Variants in PDE3A observed in about 807,000 individuals in gnomAD.
PDE3A encodes phosphodiesterase 3A.
Under a neutral mutation model 98.3 loss-of-function variants are expected in PDE3A, and 43 were observed. The observed-to-expected ratio is 0.44, with a 90% CI of 0.34 to 0.56. PDE3A has a LOEUF of 0.56. Among genes scored for constraint, PDE3A ranks in the 20% least tolerant of loss-of-function variants. The probability of loss-of-function intolerance (pLI) is 0.01; values close to 1 mark genes in which losing one functional copy is unlikely to be tolerated. For missense variants in PDE3A, 1,427 were observed against 1,440.7 expected (o/e 0.99, Z 0.15); for synonymous variants, 663 against 567.9 (o/e 1.17, Z -2.38).
chr12:20,651,039 A>C (rs1944903112), intron 14 of PDE3A, among the ~76,000 whole-genome samples: 1 of 152,232 alleles, frequency 6.6e-6, no homozygotes, highest in African/African-American at 2.4e-5. Flanking sequence ...GTTTAAATGT[A>C]CATGGAATAG....
intron 9 of PDE3A, among the ~76,000 whole-genome samples, chr12:20,637,440 T>C (rs1369268692): frequency 2.6e-5 from 4 of 152,104 alleles, no homozygotes; most frequent in Non-Finnish European, 5.9e-5. Context: ...TATTCTACAA[T>C]TAAAATATGA....
intron 1 of PDE3A, among the ~76,000 whole-genome samples, chr12:20,380,112 C>CT (rs1943638019): frequency 6.6e-6 from 1 of 151,786 alleles, no homozygotes; most frequent in Admixed American, 6.6e-5. Context: ...CAGCTATCAC[C>CT]TTTTTTATAC....
intron 15 of PDE3A, among the ~76,000 whole-genome samples, chr12:20,674,950 ATCTTTATTATT>A (rs1945595011): frequency 6.6e-6 from 1 of 151,692 alleles, no homozygotes; most frequent in Non-Finnish European, 1.5e-5. Flanking sequence ...TAGTTCTCTT[ATCTTTATTATT>A]TCTTTTATTC....
intron 1 of PDE3A, among the ~76,000 whole-genome samples, chr12:20,386,143 AT>A (rs370004588): frequency 2.4e-3 from 70 of 28,708 alleles, no homozygotes; most frequent in African/African-American, 6.3e-3. Flanking sequence ...ATATATATAA[AT>A]ATATATATAA....
intron 2 of PDE3A, among the ~76,000 whole-genome samples, chr12:20,600,661 T>C (rs1030189867): frequency 1.3e-5 from 2 of 152,184 alleles, no homozygotes; most frequent in African/African-American, 4.8e-5. Context: ...ATTTGTAGGA[T>C]TGCTTTTTGT....
At chr12:20,620,958 T>A (rs1944119438) in intron 4 of PDE3A, among the ~76,000 whole-genome samples, 1 of 152,108 alleles carries the variant, frequency 6.6e-6, no homozygotes, top group African/African-American at 2.4e-5. Flanking sequence ...AACCAGTTAA[T>A]CTGTAAGCCT....
chr12:20,570,006 G>A (rs1462472679), intron 2 of PDE3A, among the ~76,000 whole-genome samples: 1 of 152,166 alleles, frequency 6.6e-6, no homozygotes, highest in African/African-American at 2.4e-5. Flanking sequence ...AAAAGCTGAT[G>A]CACTCACATA....
chr12:20,667,199 T>G (rs1255035975), intron 15 of PDE3A, among the ~76,000 whole-genome samples: 1 of 152,220 alleles, frequency 6.6e-6, no homozygotes. Flanking sequence ...ATGAACAATT[T>G]GCATATATTT....
In PDE3A at chr12:20,577,401, C is replaced by G. The variant is rs575414339; in HGVS notation, c.1011+20691C>G. Among the ~76,000 whole-genome samples the G allele has an allele frequency of 1.2e-4, 19 of 152,286 alleles. 1 individual carries two copies. Among genetic ancestry groups the G allele is most frequent in the South Asian group, 6.2e-4 (3 of 4,824 alleles). On this transcript the variant is annotated intron_variant, in intron 2 of 15. Coordinates refer to ENST00000359062, the MANE Select transcript of PDE3A (RefSeq NM_000921.5). ...CACCCGGTAGATAATAAAGAACAAT[C>G]AAAGGATTTTAAGTAAAGAAGGTTT...
chr12:20,642,879 T>G (rs10734706), intron 10 of PDE3A, among the ~76,000 whole-genome samples: 114,354 of 152,046 alleles, frequency 0.75, 43,502 homozygotes, highest in East Asian at 0.9. Flanking sequence ...TATTACTTCT[T>G]CTTACCCTAT....
At chr12:20,521,950 C>A (rs1164230108) in intron 1 of PDE3A, among the ~76,000 whole-genome samples, 2 of 152,146 alleles carry the variant, frequency 1.3e-5, no homozygotes, top group Non-Finnish European at 1.5e-5. Context: ...TCACTTAACA[C>A]TCTCTCCTTT....
At chr12:20,422,672 C>T (rs58142160) in intron 1 of PDE3A, among the ~76,000 whole-genome samples, 193 of 152,310 alleles carry the variant, frequency 1.3e-3, no homozygotes, top group African/African-American at 4.3e-3. Flanking sequence ...CATGGAATAA[C>T]CGCATATAGA....
chr12:20,497,111 G>A (rs570711822), intron 1 of PDE3A, among the ~76,000 whole-genome samples: 79 of 152,104 alleles, frequency 5.2e-4, no homozygotes, highest in African/African-American at 1.8e-3. Context: ...CAGTCAAATC[G>A]CTTTAATGAA....
chr12:20,640,803 C>A (rs1034729549), intron 10 of PDE3A, among the ~76,000 whole-genome samples: 3 of 151,582 alleles, frequency 2.0e-5, no homozygotes, highest in Admixed American at 6.6e-5. Context: ...TGGAGATGTT[C>A]AAAAATCATG....
At chr12:20,602,122 GTTT>G (rs1943607290) in intron 2 of PDE3A, among the ~76,000 whole-genome samples, 2 of 152,114 alleles carry the variant, frequency 1.3e-5, no homozygotes, top group African/African-American at 4.8e-5. Context: ...AAATAATAAT[GTTT>G]TTTATTTACA....
At chr12:20,440,462 G>A (rs1944851570) in intron 1 of PDE3A, among the ~76,000 whole-genome samples, 1 of 152,062 alleles carries the variant, frequency 6.6e-6, no homozygotes, top group South Asian at 2.1e-4. Flanking sequence ...GCTCACTTAA[G>A]CCAAAAGAAC....
At chr12:20,493,692 G>A (rs908486864) in intron 1 of PDE3A, among the ~76,000 whole-genome samples, 15 of 151,892 alleles carry the variant, frequency 9.9e-5, no homozygotes, top group Non-Finnish European at 2.1e-4. Flanking sequence ...GTACAATGGC[G>A]CAACCTAAGC....
chr12:20,635,316 C>T (rs1246773191), intron 8 of PDE3A, among the ~76,000 whole-genome samples: 1 of 152,104 alleles, frequency 6.6e-6, no homozygotes, highest in African/African-American at 2.4e-5. Flanking sequence ...CCTGTAATCC[C>T]AGCACTTTGG....
intron 1 of PDE3A, among the ~76,000 whole-genome samples, chr12:20,407,484 G>A (rs1944253120): frequency 6.6e-6 from 1 of 152,190 alleles, no homozygotes; most frequent in South Asian, 2.1e-4. Flanking sequence ...TATTCTTGGT[G>A]TAGAAGTGTA....
Sources: allele counts gnomAD v4.1 joint callset (sites outside exome capture counted in the v4.1 genomes callset), GRCh38; gene constraint gnomAD v4.1.1; transcripts MANE v1.5; gene names NCBI Gene and HGNC (gene_info 2026-07-23, HGNC 2026-07-21).